Variants in LDLRAD4 observed in about 807,000 individuals in gnomAD.
LDLRAD4 encodes low-density lipoprotein receptor class A domain-containing protein 4.
A neutral mutation model predicts 17.0 loss-of-function variants in LDLRAD4; 5 were observed. That is an observed-to-expected ratio of 0.29 (90% confidence interval 0.15 to 0.62). LDLRAD4 has a LOEUF of 0.62. Among genes scored for constraint, LDLRAD4 ranks in the 20% least tolerant of loss-of-function variants. LDLRAD4 has a pLI of 0.84. For synonymous variants in LDLRAD4, 168 were observed against 171.8 expected, an observed-to-expected ratio of 0.98 and a Z score of 0.17; for missense variants, 340 against 424.7, an observed-to-expected ratio of 0.80 and a Z score of 1.75.
chr18:13,305,589 A>G (rs1445247981), intron 1 of LDLRAD4, among the ~76,000 whole-genome samples: 1 of 152,230 alleles, frequency 6.6e-6, no homozygotes, highest in Non-Finnish European at 1.5e-5. Context: ...AAGTACCCCT[A>G]GTGATGCTGG....
At chr18:13,376,136 C>T (rs1449315401) in intron 1 of LDLRAD4, among the ~76,000 whole-genome samples, 1 of 152,160 alleles carries the variant, frequency 6.6e-6, no homozygotes, top group African/African-American at 2.4e-5. Context: ...GAAAGCTGCC[C>T]CTCCCTGCCT....
intron 2 of LDLRAD4, among the ~76,000 whole-genome samples, chr18:13,435,278 CACATT>C (rs1222493425): frequency 6.6e-6 from 1 of 152,174 alleles, no homozygotes; most frequent in Non-Finnish European, 1.5e-5. Context: ...AGCACTTAAT[CACATT>C]ACAGCAATTT....
chr18:13,405,518 G>A (rs1405694519), intron 2 of LDLRAD4, among the ~76,000 whole-genome samples: 2 of 151,988 alleles, frequency 1.3e-5, no homozygotes, highest in African/African-American at 2.4e-5. Flanking sequence ...GACCTTCTGA[G>A]CTCAGGCCAT....
intron 3 of LDLRAD4, among the ~76,000 whole-genome samples, chr18:13,524,105 G>T (rs73954853): frequency 0.014 from 2,060 of 152,288 alleles, 49 homozygotes; most frequent in African/African-American, 0.047. Flanking sequence ...CAGCACCTCG[G>T]TCTTCCAGGT....
chr18:13,298,254 G>A (rs754013075), intron 1 of LDLRAD4, among the ~76,000 whole-genome samples: 1 of 152,370 alleles, frequency 6.6e-6, no homozygotes, highest in South Asian at 2.1e-4. Context: ...CCTGGGGCTG[G>A]AGGCCTGCCT....
At chr18:13,251,864 A>G (rs1468952922) in intron 1 of LDLRAD4, among the ~76,000 whole-genome samples, 1 of 152,250 alleles carries the variant, frequency 6.6e-6, no homozygotes, top group Non-Finnish European at 1.5e-5. Context: ...TGTTTATCCC[A>G]AATGCAGAGT....
intron 2 of LDLRAD4, among the ~76,000 whole-genome samples, chr18:13,434,876 G>A (rs954359607): frequency 1.6e-4 from 25 of 152,230 alleles, no homozygotes; most frequent in African/African-American, 5.8e-4. Flanking sequence ...CTCTTTCTCA[G>A]TAGACAGTGG....
intron 2 of LDLRAD4, among the ~76,000 whole-genome samples, chr18:13,399,948 T>C (rs2087026558): frequency 6.6e-6 from 1 of 152,246 alleles, no homozygotes; most frequent in Admixed American, 6.5e-5. Flanking sequence ...TTTTGCTGCA[T>C]TTTATAACAA....
intron 1 of LDLRAD4, among the ~76,000 whole-genome samples, chr18:13,266,682 G>T (rs948611015): frequency 6.6e-6 from 1 of 152,258 alleles, no homozygotes; most frequent in South Asian, 2.1e-4. Flanking sequence ...TGGCTTCTCC[G>T]TGGAGGAGAG....
In LDLRAD4 at chr18:13,621,426, CTG is replaced by C. The variant is rs1285211843; in HGVS notation, c.336+156_336+157del. Among the ~76,000 whole-genome samples the C allele has an allele frequency of 1.3e-5, 2 of 152,248 alleles. No homozygotes were observed. The highest frequency in any genetic ancestry group is 4.8e-5 in the African/African-American group (2 of 41,466). On this transcript the variant is annotated intron_variant, in intron 4 of 5. Transcript: ENST00000359446. The surrounding 1 kb of genome is among the most constrained non-coding windows in gnomAD (Gnocchi z 5.5). ...GTTCCACTTAGTGAGTCCCCACAAACTGAACACACCAGTGTGACCAGCACCCA... is the reference window on the plus strand; with the variant it reads ...GTTCCACTTAGTGAGTCCCCACAAACAACACACCAGTGTGACCAGCACCCA...
At chr18:13,232,985 T>C (rs1198723224) in intron 1 of LDLRAD4, among the ~76,000 whole-genome samples, 1 of 152,216 alleles carries the variant, frequency 6.6e-6, no homozygotes, top group Non-Finnish European at 1.5e-5. Context: ...AGCTCATTGT[T>C]AAAATGATTA....
At chr18:13,580,075 A>T (rs539512533) in intron 3 of LDLRAD4, among the ~76,000 whole-genome samples, 2 of 152,272 alleles carry the variant, frequency 1.3e-5, no homozygotes, top group African/African-American at 4.8e-5. Context: ...GTGCTCATCA[A>T]TTTCTCATTT....
intron 1 of LDLRAD4, among the ~76,000 whole-genome samples, chr18:13,369,814 C>T (rs2084326790): frequency 1.3e-5 from 2 of 152,204 alleles, no homozygotes; most frequent in African/African-American, 4.8e-5. Flanking sequence ...GTAATAAACT[C>T]CACGTGGGCT....
intron 2 of LDLRAD4, among the ~76,000 whole-genome samples, chr18:13,430,225 A>G (rs925695212): frequency 2.0e-4 from 31 of 152,122 alleles, no homozygotes; most frequent in African/African-American, 7.5e-4. Flanking sequence ...TGCCAGGTGG[A>G]TATGGTCCTC....
intron 3 of LDLRAD4, among the ~76,000 whole-genome samples, chr18:13,495,007 G>A (rs2093438269): frequency 6.6e-6 from 1 of 151,960 alleles, no homozygotes; most frequent in African/African-American, 2.4e-5. Flanking sequence ...TGGCAGTTAG[G>A]GTGGCCCTTA....
intron 3 of LDLRAD4, chr18:13,615,758 C>G (rs1464600719): frequency 6.6e-6 from 1 of 152,224 alleles, no homozygotes; most frequent in Non-Finnish European, 1.5e-5. Flanking sequence ...ATTTCCATTG[C>G]AGTGACTCAT....
At chr18:13,629,118 A>G (rs1352831873) in intron 4 of LDLRAD4, among the ~76,000 whole-genome samples, 3 of 152,220 alleles carry the variant, frequency 2.0e-5, no homozygotes, top group Non-Finnish European at 4.4e-5. Context: ...GGCCTGAGCC[A>G]CTGCACCTGA....
At chr18:13,632,441 T>C (rs552831197) in intron 4 of LDLRAD4, among the ~76,000 whole-genome samples, 1 of 152,334 alleles carries the variant, frequency 6.6e-6, no homozygotes, top group South Asian at 2.1e-4. Flanking sequence ...GCACAGGTGC[T>C]TGCTCTGTGC....
chr18:13,539,151 A>G lies in LDLRAD4; in HGVS notation c.182-81966A>G, dbSNP rs573705230. 2.6e-5 allele frequency among the ~76,000 whole-genome samples: 4 copies of G among 152,282 alleles called. No individual in the cohort carries two copies. In the South Asian group the frequency reaches 8.3e-4, roughly 32 times the overall value. ...CTTTTATAGGCTTGTTTGAGTGATA[A>G]AAGCTTGTTAGGAAATCATCTTTAT... On this transcript the variant is annotated intron_variant, in intron 3 of 5. Transcript: ENST00000359446.
Sources: allele counts gnomAD v4.1 joint callset (sites outside exome capture counted in the v4.1 genomes callset), GRCh38; gene constraint gnomAD v4.1.1; non-coding constraint Gnocchi (gnomAD v3.1); transcripts MANE v1.5; gene names NCBI Gene and HGNC (gene_info 2026-07-23, HGNC 2026-07-21).